The following IQGAP2 variants were observed in gnomAD, a reference collection of about 807,000 sequenced individuals.
IQGAP2 encodes IQ motif containing GTPase activating protein 2.
In IQGAP2, 173 loss-of-function variants were observed where a neutral mutation model predicts 201.3. That is an observed-to-expected ratio of 0.86 (90% confidence interval 0.76 to 0.98). The LOEUF (loss-of-function observed/expected upper bound fraction) is 0.98. IQGAP2 is among the 50% of genes least tolerant of loss of function. The pLI, the probability that IQGAP2 is intolerant of heterozygous loss-of-function variation, is 0.00. For synonymous variants in IQGAP2, 675 were observed against 673.9 expected (o/e 1.00, Z -0.03); for missense variants, 1,687 against 1,864.8 (o/e 0.90, Z 1.76).
At chr5:76,647,089 T>G (rs1309748376) in intron 17 of IQGAP2, among the ~76,000 whole-genome samples, 1 of 152,174 alleles carries the variant, frequency 6.6e-6, no homozygotes, top group African/African-American at 2.4e-5. Context: ...ATAGTAAGCT[T>G]TAAGGACTTA....
intron 14 of IQGAP2, among the ~76,000 whole-genome samples, chr5:76,631,475 C>T (rs1444320780): frequency 6.6e-6 from 1 of 152,082 alleles, no homozygotes; most frequent in Admixed American, 6.6e-5. Flanking sequence ...TTTTGCTTAT[C>T]CTAAAGTAAA....
chr5:76,476,805 GA>G (rs1755463945), intron 2 of IQGAP2, among the ~76,000 whole-genome samples: 1 of 152,156 alleles, frequency 6.6e-6, no homozygotes, highest in South Asian at 2.1e-4. Flanking sequence ...CATTAGCTGT[GA>G]CATACACTTT....
chr5:76,578,548 G>A lies in IQGAP2; in HGVS notation c.458+2779G>A, dbSNP rs934704560. Among the ~76,000 whole-genome samples, 9 of 152,198 alleles carry A rather than the reference G, an allele frequency of 5.9e-5. No homozygotes were observed. The South Asian group carries it at 1.5e-3, about 25-fold the overall frequency. On this transcript the variant is annotated intron_variant, in intron 5 of 35. Coordinates refer to ENST00000274364, the MANE Select transcript of IQGAP2 (RefSeq NM_006633.5). ...AGGATGGTCTTGATCTCTTGACCTC[G>A]TGATCTGCCTGCCTCAGCTTCCCAG... is the stretch of plus-strand genomic sequence containing the variant.
intron 14 of IQGAP2, among the ~76,000 whole-genome samples, chr5:76,629,684 T>C (rs1318825910): frequency 1.3e-5 from 2 of 152,180 alleles, no homozygotes; most frequent in Non-Finnish European, 2.9e-5. Flanking sequence ...CATAAAGAGA[T>C]TTTTTTCACT....
intron 13 of IQGAP2, chr5:76,617,807 A>G: frequency 1.9e-6 from 3 of 1,613,924 alleles, no homozygotes; most frequent in Non-Finnish European, 2.5e-6. Flanking sequence ...GACTCGCCTT[A>G]ACATACCACA....
At chr5:76,504,049 G>A (rs1349741170) in intron 2 of IQGAP2, among the ~76,000 whole-genome samples, 1 of 152,212 alleles carries the variant, frequency 6.6e-6, no homozygotes, top group East Asian at 1.9e-4. Context: ...TGCTAAAGCT[G>A]CTGAATCCCT....
chr5:76,470,181 A>G (rs1755027303), intron 2 of IQGAP2, among the ~76,000 whole-genome samples: 1 of 152,196 alleles, frequency 6.6e-6, no homozygotes, highest in Admixed American at 6.5e-5. Context: ...CCTCTTACAC[A>G]TGGAAACTTA....
chr5:76,596,232 A>G (rs1366432398), intron 9 of IQGAP2, among the ~76,000 whole-genome samples: 2 of 152,246 alleles, frequency 1.3e-5, no homozygotes, highest in African/African-American at 4.8e-5. Context: ...GTCACGAATT[A>G]GGCAGACAGG....
At chr5:76,510,642 C>T (rs1245904347) in intron 2 of IQGAP2, 1 of 530,794 alleles carries the variant, frequency 1.9e-6, no homozygotes, top group Non-Finnish European at 3.8e-6. Flanking sequence ...GTGACTACTT[C>T]TACTCCTTTG....
Position 76,698,124 on chromosome 5 carries a change from T to TTA in IQGAP2, c.4345_4346insAT (p.Cys1449TyrfsTer3). 1 of 1,599,566 alleles carries TTA rather than the reference T, an allele frequency of 6.3e-7. No homozygotes were observed. The highest frequency in any genetic ancestry group is 8.5e-7 in the Non-Finnish European group (1 of 1,170,852). ...ATTATTATGACACCTACATAAAGAC[T>TTA]TGTTTAGACAACTTAAAAAGAAAGT... On this transcript the variant is annotated frameshift_variant, in exon 33 of 36. Coordinates refer to ENST00000274364, the MANE Select transcript of IQGAP2 (RefSeq NM_006633.5). LOFTEE classifies it high-confidence loss of function.
At chr5:76,520,997 A>G (rs985954458) in intron 2 of IQGAP2, among the ~76,000 whole-genome samples, 2 of 151,946 alleles carry the variant, frequency 1.3e-5, no homozygotes, top group Non-Finnish European at 1.5e-5. Context: ...ATGTGCCACC[A>G]CGCCCGGCCT....
At chr5:76,500,910 T>C (rs145913151) in intron 2 of IQGAP2, among the ~76,000 whole-genome samples, 1 of 152,316 alleles carries the variant, frequency 6.6e-6, no homozygotes, top group Admixed American at 6.5e-5. Context: ...CATTTCAGAA[T>C]GTTTAGGTAA....
chr5:76,540,552 A>G (rs900008264), intron 2 of IQGAP2, among the ~76,000 whole-genome samples: 8 of 152,186 alleles, frequency 5.3e-5, no homozygotes, highest in Non-Finnish European at 1.0e-4. Flanking sequence ...ACGGACTGGA[A>G]TGAGAACAGG....
intron 1 of IQGAP2, among the ~76,000 whole-genome samples, chr5:76,441,083 A>G (rs79078066): frequency 0.019 from 2,940 of 151,178 alleles, 106 homozygotes; most frequent in African/African-American, 0.066. Flanking sequence ...ATTGATGACA[A>G]TCTAGGCCCT....
chr5:76,601,071 C>A, intron 11 of IQGAP2, 99 bp downstream of exon 11: 1 of 1,140,498 alleles, frequency 8.8e-7, no homozygotes, highest in Non-Finnish European at 1.3e-6. Context: ...ATCCATATAC[C>A]ATGCTCATGT....
intron 20 of IQGAP2, among the ~76,000 whole-genome samples, chr5:76,657,669 T>G (rs1411410603): frequency 6.6e-6 from 1 of 152,180 alleles, no homozygotes; most frequent in Admixed American, 6.5e-5. Flanking sequence ...TTCTTACAGT[T>G]TACCCAGATC....
At chr5:76,417,779 G>A (rs193067233) in intron 1 of IQGAP2, among the ~76,000 whole-genome samples, 11 of 151,118 alleles carry the variant, frequency 7.3e-5, no homozygotes, top group African/African-American at 2.2e-4. Flanking sequence ...ATGGGGTTTC[G>A]CCATGTTGCC....
intron 34 of IQGAP2, chr5:76,701,557 G>T: frequency 4.8e-6 from 1 of 207,940 alleles, no homozygotes; most frequent in Non-Finnish European, 9.7e-6. Context: ...ATTTAAAATA[G>T]GCTGTGCCAA....
chr5:76,675,454 A>G (rs1401203648), intron 27 of IQGAP2, among the ~76,000 whole-genome samples: 3 of 152,244 alleles, frequency 2.0e-5, no homozygotes, highest in Admixed American at 6.5e-5. Flanking sequence ...GTTCTGTTCT[A>G]TTCTCAAGCC....
Sources: allele counts gnomAD v4.1 joint callset (sites outside exome capture counted in the v4.1 genomes callset), GRCh38; gene constraint gnomAD v4.1.1; transcripts MANE v1.5; gene names NCBI Gene and HGNC (gene_info 2026-07-23, HGNC 2026-07-21).